The following TRPM3 variants were observed in gnomAD, a reference collection of about 807,000 sequenced individuals.
TRPM3 encodes long transient receptor potential channel 3.
In TRPM3, 77 loss-of-function variants were observed where a neutral mutation model predicts 181.2. That is an observed-to-expected ratio of 0.42 (90% CI 0.35 to 0.51). TRPM3 has a LOEUF of 0.51. Among genes scored for constraint, TRPM3 ranks in the 20% least tolerant of loss-of-function variants. The probability of loss-of-function intolerance (pLI) is 0.01; values close to 1 mark genes in which losing one functional copy is unlikely to be tolerated. For missense variants in TRPM3, 1,759 were observed against 2,196.7 expected, an observed-to-expected ratio of 0.80 and a Z score of 3.98; for synonymous variants, 745 against 796.4, an observed-to-expected ratio of 0.94 and a Z score of 1.09.
At chr9:71,186,810 G>A (rs898760473) in intron 1 of TRPM3, among the ~76,000 whole-genome samples, 1 of 151,864 alleles carries the variant, frequency 6.6e-6, no homozygotes, top group African/African-American at 2.4e-5. Flanking sequence ...TATTATTGTT[G>A]GACTGATGCT....
At chr9:71,082,888 A>G (rs569752029) in intron 1 of TRPM3, among the ~76,000 whole-genome samples, 82 of 152,294 alleles carry the variant, frequency 5.4e-4, no homozygotes, top group African/African-American at 1.9e-3. Flanking sequence ...AGACTTTAGA[A>G]TAGCAAAAAG....
At chr9:71,017,112 C>G (rs1313583923) in intron 1 of TRPM3, among the ~76,000 whole-genome samples, 1 of 152,090 alleles carries the variant, frequency 6.6e-6, no homozygotes, top group Non-Finnish European at 1.5e-5. Flanking sequence ...AGAAGCTCAG[C>G]TAATCTACTT....
intron 1 of TRPM3, among the ~76,000 whole-genome samples, chr9:71,027,407 T>G (rs1284229205): frequency 6.6e-6 from 1 of 152,220 alleles, no homozygotes; most frequent in African/African-American, 2.4e-5. Flanking sequence ...CCAGAGGGTC[T>G]TCTTTTCTCC....
chr9:71,161,594 T>A (rs142615903), intron 1 of TRPM3, among the ~76,000 whole-genome samples: 86 of 152,214 alleles, frequency 5.6e-4, no homozygotes, highest in African/African-American at 2.0e-3. Context: ...GTGGGGTAAC[T>A]GAAAGAAAAA....
intron 1 of TRPM3, among the ~76,000 whole-genome samples, chr9:71,108,108 A>G (rs2070148725): frequency 6.6e-6 from 1 of 152,206 alleles, no homozygotes; most frequent in Non-Finnish European, 1.5e-5. Flanking sequence ...CCTCCAGTGA[A>G]GGAGAGTCTA....
At chr9:71,219,858 G>A (rs1183833695) in intron 1 of TRPM3, among the ~76,000 whole-genome samples, 2 of 152,168 alleles carry the variant, frequency 1.3e-5, no homozygotes, top group Admixed American at 1.3e-4. Flanking sequence ...GCCTTGAAGG[G>A]TCTGGAAACT....
intron 7 of TRPM3, chr9:70,775,257 C>A (rs1457889537): frequency 6.6e-6 from 1 of 152,142 alleles, no homozygotes; most frequent in Admixed American, 6.5e-5. Flanking sequence ...GGTTTTAAAG[C>A]CCTTACTACA....
At chr9:70,880,854 C>T (rs759729223) in intron 1 of TRPM3, among the ~76,000 whole-genome samples, 2 of 152,144 alleles carry the variant, frequency 1.3e-5, no homozygotes, top group Non-Finnish European at 2.9e-5. Context: ...TCTGTTCTTA[C>T]AGTCCTCTTC....
At chr9:70,999,175 C>T (rs1034468427) in intron 1 of TRPM3, among the ~76,000 whole-genome samples, 1 of 152,168 alleles carries the variant, frequency 6.6e-6, no homozygotes, top group African/African-American at 2.4e-5. Flanking sequence ...CTGGCCTACC[C>T]CCTACAGGGC....
At chr9:71,152,456 G>A (rs114648769) in intron 1 of TRPM3, among the ~76,000 whole-genome samples, 8,803 of 152,102 alleles carry the variant, frequency 0.058, 372 homozygotes, top group African/African-American at 0.12. Context: ...TACAAATACA[G>A]TTTGGATTTT....
chr9:71,156,517 T>C (rs890007592), intron 1 of TRPM3, among the ~76,000 whole-genome samples: 1 of 151,954 alleles, frequency 6.6e-6, no homozygotes, highest in African/African-American at 2.4e-5. Flanking sequence ...TTCATCTACT[T>C]TTTATAAACA....
chr9:70,794,236 TACTCTCC>T lies in TRPM3; in HGVS notation c.974-9964_974-9958del, dbSNP rs1433191388. Among the ~76,000 whole-genome samples the T allele has an allele frequency of 5.9e-5, 9 of 152,272 alleles. No homozygotes were observed. In the East Asian group the frequency reaches 1.7e-3, roughly 29 times the overall value. On this transcript the variant is annotated intron_variant, in intron 6 of 25. Coordinates refer to ENST00000677713, the MANE Select transcript of TRPM3 (RefSeq NM_001366145.2). ...GAAGACTGTTTACTATATGGGAAGC[TACTCTCC>T]ATCTCTCACGTAAAGAGAAAAGGAG...
intron 6 of TRPM3, among the ~76,000 whole-genome samples, chr9:70,802,423 T>C (rs973542741): frequency 2.0e-5 from 3 of 152,208 alleles, no homozygotes; most frequent in Non-Finnish European, 2.9e-5. Flanking sequence ...AGCATGACTA[T>C]GTTGCAATAA....
intron 1 of TRPM3, among the ~76,000 whole-genome samples, chr9:71,360,317 G>C (rs1390117598): frequency 6.6e-6 from 1 of 152,068 alleles, no homozygotes; most frequent in Non-Finnish European, 1.5e-5. Flanking sequence ...TTGGTAATCA[G>C]GGAACTGATA....
At chr9:71,075,567 T>C (rs1468394493) in intron 1 of TRPM3, among the ~76,000 whole-genome samples, 1 of 152,224 alleles carries the variant, frequency 6.6e-6, no homozygotes, top group Non-Finnish European at 1.5e-5. Flanking sequence ...AATTTAAATA[T>C]ACGTCTGTTG....
At chr9:71,318,927 G>A (rs1005366940) in intron 1 of TRPM3, among the ~76,000 whole-genome samples, 2 of 145,730 alleles carry the variant, frequency 1.4e-5, no homozygotes, top group African/African-American at 5.0e-5. Flanking sequence ...CCAGCCCCCT[G>A]CCCCAGTCCC....
chr9:71,256,930 G>T (rs1292003441), intron 1 of TRPM3, among the ~76,000 whole-genome samples: 1 of 152,078 alleles, frequency 6.6e-6, no homozygotes, highest in African/African-American at 2.4e-5. Flanking sequence ...TTCAGGAAAA[G>T]TTGCATATTA....
In TRPM3 at chr9:70,759,222, A is replaced by T. The variant is rs572527409; in HGVS notation, c.1272+2379T>A. ...AAGACACTTAACGCAGCTAACAAAC[A>T]TATGGAAAAAAGCTCATCATCACTG... On this transcript the variant is annotated intron_variant, in intron 8 of 25. Transcript: ENST00000677713. Among the ~76,000 whole-genome samples, 4 of 152,340 alleles carry T rather than the reference A, an allele frequency of 2.6e-5. No individual in the cohort carries two copies. In the East Asian group the frequency reaches 7.7e-4, roughly 29 times the overall value.
Position 71,015,710 on chromosome 9 carries a change from T to C in TRPM3, c.177+105468A>G, listed in dbSNP as rs545318259. 7.2e-5 allele frequency among the ~76,000 whole-genome samples: 11 copies of C among 152,312 alleles called. No homozygotes were observed. The East Asian group carries it at 1.9e-3, about 27-fold the overall frequency. The stretch of plus-strand genomic sequence containing the variant: ...TGTTCTGAATTGATAATCCAAAACG[T>C]TCTTTTTTATAATAGGGTAAATGAA... On this transcript the variant is annotated intron_variant, in intron 1 of 25. Transcript: ENST00000677713.
Sources: allele counts gnomAD v4.1 joint callset (sites outside exome capture counted in the v4.1 genomes callset), GRCh38; gene constraint gnomAD v4.1.1; transcripts MANE v1.5; gene names NCBI Gene and HGNC (gene_info 2026-07-23, HGNC 2026-07-21).